The following CNNM2 variants were observed in gnomAD, a reference collection of about 807,000 sequenced individuals.
The protein encoded by CNNM2 is metal transporter CNNM2.
In CNNM2, 12 loss-of-function variants were observed where a neutral mutation model predicts 66.9. The observed-to-expected ratio is 0.18, with a 90% CI of 0.11 to 0.29. The LOEUF (loss-of-function observed/expected upper bound fraction) is 0.29. Among genes scored for constraint, CNNM2 ranks in the 10% least tolerant of loss-of-function variants. The probability of loss-of-function intolerance (pLI) is 1.00; values close to 1 mark genes in which losing one functional copy is unlikely to be tolerated. For missense variants in CNNM2, 705 were observed against 1,167.7 expected (o/e 0.60, Z 5.77); for synonymous variants, 557 against 501.8 (o/e 1.11, Z -1.47).
intron 1 of CNNM2, among the ~76,000 whole-genome samples, chr10:103,020,868 C>A (rs910996678): frequency 3.9e-5 from 6 of 151,972 alleles, no homozygotes; most frequent in African/African-American, 1.5e-4. Context: ...CAGGAGGGAT[C>A]TGTAAAGATA....
intron 1 of CNNM2, among the ~76,000 whole-genome samples, chr10:102,936,494 AAGAGAC>A (rs1363778485): frequency 1.3e-5 from 2 of 150,676 alleles, no homozygotes; most frequent in Non-Finnish European, 2.9e-5. Flanking sequence ...AGGTAAACAG[AAGAGAC>A]AAAATGAAAC....
At chr10:103,063,126 A>C (rs969344498) in intron 4 of CNNM2, among the ~76,000 whole-genome samples, 2 of 152,216 alleles carry the variant, frequency 1.3e-5, no homozygotes, top group Non-Finnish European at 2.9e-5. Flanking sequence ...GATGGTCCAA[A>C]ATGTGTCTAA....
At chr10:102,958,340 T>C (rs1847124768) in intron 1 of CNNM2, among the ~76,000 whole-genome samples, 1 of 152,066 alleles carries the variant, frequency 6.6e-6, no homozygotes, top group Non-Finnish European at 1.5e-5. Context: ...GCAAATGAAG[T>C]CAAGTGAATA....
chr10:103,070,942 C>CG lies in CNNM2; in HGVS notation c.2168-824dup, dbSNP rs555148313. On this transcript the variant is annotated intron_variant, in intron 5 of 7. Coordinates refer to ENST00000369878, the MANE Select transcript of CNNM2 (RefSeq NM_017649.5). The stretch of plus-strand genomic sequence containing the variant: ...GAGAATCCATCTGAAACTAAAAAAG[C>CG]GGGGGGGGAATTTCATTAATGGCAT... 3.8e-3 allele frequency among the ~76,000 whole-genome samples: 568 copies of CG among 151,382 alleles called. 5 individuals carry two copies. Among genetic ancestry groups the CG allele is most frequent in the South Asian group, 0.026 (125 of 4,790 alleles).
At chr10:103,010,651 C>T (rs539110076) in intron 1 of CNNM2, among the ~76,000 whole-genome samples, 62 of 150,074 alleles carry the variant, frequency 4.1e-4, no homozygotes, top group Admixed American at 9.3e-4. Flanking sequence ...CTCCCTTTTT[C>T]GCCCAGGCTG....
intron 1 of CNNM2, among the ~76,000 whole-genome samples, chr10:102,956,650 A>T (rs1410859882): frequency 6.6e-6 from 1 of 152,238 alleles, no homozygotes; most frequent in Non-Finnish European, 1.5e-5. Flanking sequence ...ATAAAAAAGG[A>T]TGAGTGCATG....
chr10:102,961,414 T>C (rs1370564929), intron 1 of CNNM2, among the ~76,000 whole-genome samples: 1 of 152,224 alleles, frequency 6.6e-6, no homozygotes, highest in African/African-American at 2.4e-5. Flanking sequence ...AGGATTTACT[T>C]ATGCTCAAAA....
At chr10:102,941,030 A>T (rs1846413668) in intron 1 of CNNM2, among the ~76,000 whole-genome samples, 1 of 151,808 alleles carries the variant, frequency 6.6e-6, no homozygotes, top group South Asian at 2.1e-4. Flanking sequence ...TCCATTCTGT[A>T]TCTGGGTGAT....
intron 1 of CNNM2, among the ~76,000 whole-genome samples, chr10:103,028,814 C>CTTTTTTTTTTTTTTTTTTTTT (rs67846722): frequency 4.8e-5 from 6 of 126,178 alleles, no homozygotes; most frequent in Admixed American, 9.1e-5. Context: ...TTTTCTTTTT[C>CTTTTTTTTTTTTTTTTTTTTT]TTTTTTTTTT....
intron 1 of CNNM2, among the ~76,000 whole-genome samples, chr10:103,037,326 T>A (rs1197328908): frequency 1.3e-5 from 2 of 151,226 alleles, no homozygotes; most frequent in African/African-American, 4.9e-5. Context: ...CTCACTATGT[T>A]ACCTAGGCTA....
At chr10:102,985,377 T>G (rs2063780390) in intron 1 of CNNM2, among the ~76,000 whole-genome samples, 1 of 152,114 alleles carries the variant, frequency 6.6e-6, no homozygotes, top group Non-Finnish European at 1.5e-5. Flanking sequence ...CTGCTGTGAG[T>G]CCGGCAAAGG....
intron 7 of CNNM2, 111 bp from the exon 8 acceptor site, chr10:103,076,860 T>C (rs2065700916): frequency 1.0e-6 from 1 of 971,734 alleles, no homozygotes; most frequent in Admixed American, 1.9e-5. Flanking sequence ...CAAGTGTGAT[T>C]TTCTCCTAGA....
intron 1 of CNNM2, among the ~76,000 whole-genome samples, chr10:102,946,133 T>TA (rs1355512109): frequency 2.0e-5 from 3 of 152,176 alleles, no homozygotes; most frequent in Non-Finnish European, 2.9e-5. Flanking sequence ...GCTGTAGTTA[T>TA]AAAAAGACAG....
At chr10:102,968,167 C>T (rs1315291812) in intron 1 of CNNM2, among the ~76,000 whole-genome samples, 2 of 152,180 alleles carry the variant, frequency 1.3e-5, no homozygotes, top group Non-Finnish European at 2.9e-5. Context: ...TCCAACTTGG[C>T]TGTATGTACC....
chr10:103,025,580 T>C (rs1022767574), intron 1 of CNNM2, among the ~76,000 whole-genome samples: 4 of 152,248 alleles, frequency 2.6e-5, no homozygotes, highest in East Asian at 3.8e-4. Context: ...GCCATTCTTC[T>C]GAAGTAGGAC....
chr10:102,982,818 G>T (rs1392751022), intron 1 of CNNM2, among the ~76,000 whole-genome samples: 1 of 152,182 alleles, frequency 6.6e-6, no homozygotes, highest in Non-Finnish European at 1.5e-5. Flanking sequence ...ACTAATTAGT[G>T]ATGGAGTTGC....
intron 1 of CNNM2, among the ~76,000 whole-genome samples, chr10:102,997,619 T>G: frequency 6.6e-6 from 1 of 152,166 alleles, no homozygotes; most frequent in South Asian, 2.1e-4. Flanking sequence ...TGTAAAATAT[T>G]TGTAAAATAT....
chr10:103,047,594 G>C (rs1475200669), intron 1 of CNNM2, among the ~76,000 whole-genome samples: 2 of 152,036 alleles, frequency 1.3e-5, no homozygotes, highest in African/African-American at 4.8e-5. Flanking sequence ...CCGGGTGAAG[G>C]GTTTATAGGA....
At chr10:102,954,126 CTTTTT>C (rs35543663) in intron 1 of CNNM2, among the ~76,000 whole-genome samples, 3 of 133,072 alleles carry the variant, frequency 2.3e-5, no homozygotes, top group Admixed American at 1.5e-4. Flanking sequence ...CTTTTCTTTT[CTTTTT>C]TTTTTTTTTT....
Sources: gnomAD v4.1 joint callset for allele counts (sites outside exome capture counted in the v4.1 genomes callset) on GRCh38, gnomAD v4.1.1 for gene constraint, MANE v1.5 for transcripts, NCBI Gene and HGNC (gene_info 2026-07-23, HGNC 2026-07-21) for gene names.